The following NRXN1 variants were observed in gnomAD, a reference collection of about 807,000 sequenced individuals.
The protein encoded by NRXN1 is neurexin 1.
NRXN1 carries 39 observed loss-of-function variants against 150.9 expected under a neutral mutation model. That is an observed-to-expected ratio of 0.26 (90% CI 0.20 to 0.34). NRXN1 has a LOEUF of 0.34. Ranked by LOEUF, NRXN1 falls within the 10% of genes least tolerant of loss-of-function variation. The probability of loss-of-function intolerance (pLI) is 1.00; values close to 1 mark genes in which losing one functional copy is unlikely to be tolerated. For missense variants in NRXN1, 1,815 were observed against 1,949.9 expected (o/e 0.93, Z 1.30); for synonymous variants, 924 against 757.0 (o/e 1.22, Z -3.62).
At chr2:50,960,394 C>T (rs1247999973) in intron 2 of NRXN1, among the ~76,000 whole-genome samples, 1 of 145,714 alleles carries the variant, frequency 6.9e-6, no homozygotes, top group African/African-American at 2.5e-5. Context: ...AAGTAGTCCT[C>T]TCTTCTTAGG....
At chr2:50,064,050 A>G (rs1694970907) in intron 19 of NRXN1, among the ~76,000 whole-genome samples, 1 of 152,122 alleles carries the variant, frequency 6.6e-6, no homozygotes, top group South Asian at 2.1e-4. Context: ...TTGTGAGAGG[A>G]ATAGAACTTT....
chr2:50,550,835 C>G (rs1667360241), intron 9 of NRXN1, among the ~76,000 whole-genome samples: 3 of 151,766 alleles, frequency 2.0e-5, no homozygotes, highest in Admixed American at 1.3e-4. Flanking sequence ...GCACCGCCAC[C>G]ACGCCCGACT....
intron 18 of NRXN1, among the ~76,000 whole-genome samples, chr2:50,229,339 G>A (rs1487836453): frequency 1.3e-5 from 2 of 151,032 alleles, no homozygotes; most frequent in African/African-American, 4.9e-5. Context: ...TTGTGTGTGT[G>A]TGTGTAATAA....
At chr2:50,392,381 A>G (rs1317074357) in intron 17 of NRXN1, among the ~76,000 whole-genome samples, 3 of 152,126 alleles carry the variant, frequency 2.0e-5, no homozygotes, top group Non-Finnish European at 4.4e-5. Flanking sequence ...GCATTTTACT[A>G]TACTAGCGTT....
chr2:50,978,301 TATATAA>T (rs1394489347), intron 2 of NRXN1, among the ~76,000 whole-genome samples: 12 of 122,510 alleles, frequency 9.8e-5, no homozygotes, highest in Non-Finnish European at 1.4e-4. Flanking sequence ...TATATATATA[TATATAA>T]AATATATATA....
chr2:50,675,671 T>C (rs1260238687), intron 5 of NRXN1, among the ~76,000 whole-genome samples: 2 of 152,186 alleles, frequency 1.3e-5, no homozygotes, highest in Non-Finnish European at 2.9e-5. Flanking sequence ...CATCTTGTCA[T>C]TACCGTTACT....
At chr2:50,408,673 G>C (rs2082922676) in intron 17 of NRXN1, among the ~76,000 whole-genome samples, 1 of 152,148 alleles carries the variant, frequency 6.6e-6, no homozygotes, top group Non-Finnish European at 1.5e-5. Flanking sequence ...GTGTATGTCT[G>C]TGTGTGCGTC....
chr2:50,073,438 C>G lies in NRXN1; in HGVS notation c.3718+17885G>C, dbSNP rs185667163. 1.9e-4 allele frequency among the ~76,000 whole-genome samples: 29 copies of G among 152,310 alleles called. 1 individual carries two copies. The highest frequency in any genetic ancestry group is 7.0e-4 in the African/African-American group (29 of 41,570). On this transcript the variant is annotated intron_variant, in intron 19 of 22. Transcript: ENST00000401669. Reference sequence around the variant, plus strand: ...TGTCTTCCACTATCCTTTGTTCTAACATGGCTTATCAATCATAATTAACCT... The same window carrying G: ...TGTCTTCCACTATCCTTTGTTCTAAGATGGCTTATCAATCATAATTAACCT...
At chr2:50,217,617 G>C (rs1197688469) in intron 18 of NRXN1, among the ~76,000 whole-genome samples, 1 of 151,908 alleles carries the variant, frequency 6.6e-6, no homozygotes, top group Non-Finnish European at 1.5e-5. Flanking sequence ...AATTATAACA[G>C]GGGACCTAAA....
chr2:50,652,996 G>A (rs200458497), intron 5 of NRXN1, among the ~76,000 whole-genome samples: 33 of 151,790 alleles, frequency 2.2e-4, no homozygotes, highest in East Asian at 2.0e-4. Context: ...TTCATTCCTC[G>A]TTTTAGTATT....
intron 5 of NRXN1, among the ~76,000 whole-genome samples, chr2:50,791,180 A>G (rs575522400): frequency 6.6e-6 from 1 of 151,494 alleles, no homozygotes; most frequent in East Asian, 2.0e-4. Flanking sequence ...ACTAAGAGTG[A>G]AATCTTTGGA....
intron 21 of NRXN1, among the ~76,000 whole-genome samples, chr2:49,988,307 T>C (rs1681283226): frequency 6.6e-6 from 1 of 151,422 alleles, no homozygotes; most frequent in South Asian, 2.1e-4. Flanking sequence ...TTCTGACTAT[T>C]CTATCAGAAA....
Position 50,649,576 on chromosome 2 carries a change from C to A in NRXN1, c.833-25961G>T, listed in dbSNP as rs529141192. On this transcript the variant is annotated intron_variant, in intron 5 of 22. Transcript: ENST00000401669. ...TGGTTTTGCTTCTTATTGTCTGTTA[C>A]CCCCTCTTTGCTTGAGGGTGGATGT... Among the ~76,000 whole-genome samples the A allele has an allele frequency of 2.3e-4, 35 of 152,072 alleles. No individual in the cohort carries two copies. The Middle Eastern group carries it at 0.01, about 44-fold the overall frequency.
intron 21 of NRXN1, among the ~76,000 whole-genome samples, chr2:49,980,025 T>C (rs1424262266): frequency 1.3e-5 from 2 of 151,812 alleles, no homozygotes; most frequent in Non-Finnish European, 2.9e-5. Flanking sequence ...CCCCAGGCAA[T>C]CTTTTCATTA....
intron 17 of NRXN1, among the ~76,000 whole-genome samples, chr2:50,354,951 A>C (rs764358014): frequency 6.6e-6 from 1 of 151,898 alleles, no homozygotes; most frequent in African/African-American, 2.4e-5. Context: ...TGGAAGGACA[A>C]CTCTAAGGCA....
At chr2:50,772,031 G>C (rs1352936084) in intron 5 of NRXN1, among the ~76,000 whole-genome samples, 1 of 151,998 alleles carries the variant, frequency 6.6e-6, no homozygotes, top group African/African-American at 2.4e-5. Context: ...AAAATATCTA[G>C]TACAGACATG....
At chr2:50,398,710 G>T (rs1167910060) in intron 17 of NRXN1, among the ~76,000 whole-genome samples, 1 of 152,066 alleles carries the variant, frequency 6.6e-6, no homozygotes, top group Non-Finnish European at 1.5e-5. Flanking sequence ...CTTTGGACAG[G>T]ATTTACTTAT....
intron 18 of NRXN1, among the ~76,000 whole-genome samples, chr2:50,107,539 A>ATATATTT (rs59921941): frequency 9.1e-4 from 118 of 129,876 alleles, no homozygotes; most frequent in African/African-American, 2.6e-3. Flanking sequence ...ATATATATAT[A>ATATATTT]TTTTTTTTTT....
chr2:50,379,282 A>G (rs1045677748), intron 17 of NRXN1, among the ~76,000 whole-genome samples: 1 of 152,128 alleles, frequency 6.6e-6, no homozygotes, highest in African/African-American at 2.4e-5. Context: ...CAGTCAGTAT[A>G]CTCACTTTGT....
Sources: gnomAD v4.1 joint callset for allele counts (sites outside exome capture counted in the v4.1 genomes callset) on GRCh38, gnomAD v4.1.1 for gene constraint, MANE v1.5 for transcripts, NCBI Gene and HGNC (gene_info 2026-07-23, HGNC 2026-07-21) for gene names.